PHF19: variants seen among roughly 807,000 people sequenced by gnomAD.
PHF19 encodes the protein PHD finger protein 19.
PHF19 carries 21 observed loss-of-function variants against 79.8 expected under a neutral mutation model. The ratio of observed to expected loss-of-function variants is 0.26; its 90% CI spans 0.19 to 0.38. The LOEUF (loss-of-function observed/expected upper bound fraction) is 0.38, where lower values mean the gene tolerates loss of function less well. PHF19 is among the 10% of genes least tolerant of loss of function. The probability of loss-of-function intolerance (pLI) is 1.00; values close to 1 mark genes in which losing one functional copy is unlikely to be tolerated. For missense variants in PHF19, 445 were observed against 744.2 expected (o/e 0.60, Z 4.68); for synonymous variants, 273 against 296.3 (o/e 0.92, Z 0.81).
rs1204079543 is a variant in PHF19, at chr9:120,866,165, T to C, written c.711-69A>G. On this transcript the variant is annotated intron_variant, in intron 7 of 14. Coordinates refer to ENST00000373896, the MANE Select transcript of PHF19 (RefSeq NM_015651.3). This position sits in a 1 kb window ranked among gnomAD's most constrained non-coding sequence, Gnocchi z 5.2. ...GACACCCCCACCCCAGTCCAGCCCCTTGATCTCCTCATTCCCCACCTACCT... is the reference window on the plus strand; with the variant it reads ...GACACCCCCACCCCAGTCCAGCCCCCTGATCTCCTCATTCCCCACCTACCT... 8 of 1,111,224 alleles carry C rather than the reference T, an allele frequency of 7.2e-6. No homozygotes were observed. The highest frequency in any genetic ancestry group is 1.1e-5 in the Non-Finnish European group (8 of 722,640). 68.8% of individuals were successfully genotyped at this position (1,111,224 alleles called of 1,614,324 possible).
Position 120,862,603 on chromosome 9 carries a change from C to T in PHF19, c.1115G>A (p.Gly372Glu). ...NSASSELRKR[G>E]KSKPGLLPHE... ...GAGCACTGACCCAGGCTTGCTCTTT[C>T]CTCTCTTACGCAGCTCAGAGGAGGC... Residue 372 changes from glycine (G) to glutamate (E), a missense_variant, in exon 11 of 15, where the codon GGA becomes GAA. Physicochemically the swap from Gly to Glu is moderately conservative, Grantham distance 98. This residue lies in a region of PHF19 where 83 missense variants were observed against 85.5 expected (regional missense o/e 0.97). Transcript: ENST00000373896. The surrounding 1 kb of genome is among the most constrained non-coding windows in gnomAD (Gnocchi z 4.6). The T allele has an allele frequency of 6.2e-7, 1 of 1,613,764 alleles. No homozygotes were observed. The highest frequency in any genetic ancestry group is 8.5e-7 in the Non-Finnish European group (1 of 1,179,958).
rs1285307345 is a variant in PHF19 at position 120,869,865 on chromosome 9, T to C, written c.445A>G (p.Ile149Val). The change falls in exon 5 of 15, where the codon ATC becomes GTC. Residue 149 changes from isoleucine to valine, a missense_variant. Coordinates refer to ENST00000373896, the MANE Select transcript of PHF19 (RefSeq NM_015651.3). This position sits in a 1 kb window ranked among gnomAD's most constrained non-coding sequence, Gnocchi z 5.8. ...LLTPWFCRRC[I>V]FALAVRKGGA... ...CTCACCCGCACAGCCAGTGCGAAGA[T>C]GCAGCGTCGGCAGAACCAAGGTGTG... is the stretch of plus-strand genomic sequence containing the variant. The C allele has an allele frequency of 2.5e-6, 4 of 1,611,828 alleles. No homozygotes were observed. In the South Asian group the frequency reaches 4.4e-5, roughly 18 times the overall value.
In PHF19 at chr9:120,856,595, C is replaced by T. The variant is rs190521985; in HGVS notation, c.*1349G>A. 6.6e-6 allele frequency: 1 copy of T among 152,450 alleles called. No homozygotes were observed. The highest frequency in any genetic ancestry group is 6.5e-5 in the Admixed American group (1 of 15,308). 9.4% of individuals were successfully genotyped at this position (152,450 alleles called of 1,614,324 possible). A position where few individuals can be genotyped will look rare whatever the true frequency, so the allele number is the denominator to read the frequency against. On this transcript the variant is annotated 3_prime_UTR_variant, in exon 15 of 15. Transcript: ENST00000373896. ...ACATCAGGGGTCCTCTTCCCCCTCC[C>T]AATTTTGGTTTCCCTCCAGATGAGG... is the stretch of plus-strand genomic sequence containing the variant.
rs1402886372 is a variant in PHF19 at position 120,860,405 on chromosome 9, C to T, written c.1305-220G>A. 5.7e-6 allele frequency: 3 copies of T among 528,840 alleles called. No homozygotes were observed. The highest frequency in any genetic ancestry group is 1.0e-5 in the Non-Finnish European group (3 of 290,536). 32.8% of individuals were successfully genotyped at this position (528,840 alleles called of 1,614,324 possible). A position where few individuals can be genotyped will look rare whatever the true frequency, so the allele number is the denominator to read the frequency against. Reference sequence around the variant, plus strand: ...CTGGAGCACCCTCCCCTGGCGGTGACGTAAGCACTGGTGTCAATAACTCGA... The same window carrying T: ...CTGGAGCACCCTCCCCTGGCGGTGATGTAAGCACTGGTGTCAATAACTCGA... On this transcript the variant is annotated intron_variant, in intron 13 of 14. Transcript: ENST00000373896. The surrounding 1 kb of genome is among the most constrained non-coding windows in gnomAD (Gnocchi z 4.1).
rs755261349 is a variant in PHF19 at position 120,862,629 on chromosome 9, G to A, written c.1089C>T (p.Ser363=). The change falls in exon 11 of 15, where the codon AGC becomes AGT. Residue 363 remains serine, a synonymous_variant. Coordinates refer to ENST00000373896, the MANE Select transcript of PHF19 (RefSeq NM_015651.3). This position sits in a 1 kb window ranked among gnomAD's most constrained non-coding sequence, Gnocchi z 4.6. The part of the protein sequence containing the change: ...PDKGLLPNEN[S]ASSELRKRGK... ...CTCTCTTACGCAGCTCAGAGGAGGC[G>A]CTGTTCTCATTTGGCAGCAGTCCTT... The A allele has an allele frequency of 7.4e-6, 12 of 1,613,990 alleles. No individual in the cohort carries two copies. Among genetic ancestry groups the A allele is most frequent in the East Asian group, 4.5e-5 (2 of 44,906 alleles).
At chr9:120,901,009 G>A in the PHF19 span, among the ~76,000 whole-genome samples, 1 of 152,238 alleles carries the variant, frequency 6.6e-6, no homozygotes, top group African/African-American at 2.4e-5. Flanking sequence ...AAGCTTGTAT[G>A]GCACTGACTG....
intron 14 of PHF19, among the ~76,000 whole-genome samples, chr9:120,859,854 T>C (rs1251973431): frequency 6.6e-6 from 1 of 152,082 alleles, no homozygotes; most frequent in African/African-American, 2.4e-5. Context: ...GGTGAAGCAT[T>C]CCAAAGGGAT....
intron 1 of PHF19, among the ~76,000 whole-genome samples, chr9:120,890,951 C>T (rs2046334595): frequency 6.6e-6 from 1 of 152,198 alleles, no homozygotes. Flanking sequence ...TACTCTCCAC[C>T]CCCACCCTTT....
chr9:120,889,878 A>C (rs1456504955), intron 1 of PHF19, among the ~76,000 whole-genome samples: 1 of 152,192 alleles, frequency 6.6e-6, no homozygotes, highest in Non-Finnish European at 1.5e-5. Context: ...GGAAGGAAAG[A>C]GTGGACAGGC....
intron 1 of PHF19, among the ~76,000 whole-genome samples, chr9:120,883,070 A>T (rs192793750): frequency 2.6e-5 from 4 of 151,942 alleles, no homozygotes; most frequent in Non-Finnish European, 4.4e-5. Context: ...CACCAGTTTT[A>T]AAAAAAATGG....
chr9:120,880,234 C>A (rs1046126076), upstream of PHF19, among the ~76,000 whole-genome samples: 1 of 152,246 alleles, frequency 6.6e-6, no homozygotes, highest in Non-Finnish European at 1.5e-5. Context: ...GTGGCTCATG[C>A]CTGTAATCCC....
upstream of PHF19, among the ~76,000 whole-genome samples, chr9:120,880,123 A>T (rs2046157601): frequency 6.6e-6 from 1 of 152,256 alleles, no homozygotes; most frequent in Non-Finnish European, 1.5e-5. Flanking sequence ...AGATACTCAT[A>T]GCTACAATTC....
Position 120,874,241 on chromosome 9 carries a change from C to T in PHF19, c.187-181G>A, listed in dbSNP as rs1445265600. On this transcript the variant is annotated intron_variant, in intron 2 of 14. Transcript: ENST00000373896. This position sits in a 1 kb window ranked among gnomAD's most constrained non-coding sequence, Gnocchi z 4.5. ...TCACCTGGAGTCGTACAGCCAGGGA[C>T]CGATGGATGGCAACTTGGTCAGAAT... Among the ~76,000 whole-genome samples, 1 of 152,150 alleles carries T rather than the reference C, an allele frequency of 6.6e-6. No individual in the cohort carries two copies. The highest frequency in any genetic ancestry group is 1.5e-5 in the Non-Finnish European group (1 of 68,032).
chr9:120,903,019 C>T, the PHF19 span: 15,736 of 152,220 alleles, frequency 0.1, 1,199 homozygotes, highest in African/African-American at 0.21. Flanking sequence ...GCTTGTTCTA[C>T]AAATCCCCCC....
chr9:120,893,624 T>C (rs1191381573), intron 1 of PHF19, among the ~76,000 whole-genome samples: 1 of 152,230 alleles, frequency 6.6e-6, no homozygotes, highest in Non-Finnish European at 1.5e-5. Flanking sequence ...CCTTGACCTT[T>C]TGCTTGACAG....
At position 120,857,797 on chromosome 9, in the gene PHF19, G is replaced by T; in HGVS notation, c.*147C>A. The T allele has an allele frequency of 1.7e-6, 1 of 573,148 alleles. No individual in the cohort carries two copies. The highest frequency in any genetic ancestry group is 3.1e-6 in the Non-Finnish European group (1 of 325,470). The allele number at this position is 573,148 out of a possible 1,614,324, so 35.5% of individuals were successfully genotyped here. On this transcript the variant is annotated 3_prime_UTR_variant, in exon 15 of 15. Transcript: ENST00000373896. ...GCAGAGAGACGCAGGCCTTGGCCTG[G>T]CAGGCAGGCAGGCAGGGCATTCTGC...
upstream of PHF19, chr9:120,877,276 G>GGGGCCGGGGCGCTCAGGAAGGGGC: frequency 1.1e-6 from 1 of 927,210 alleles, no homozygotes; most frequent in Non-Finnish European, 1.3e-6. Flanking sequence ...GGCGGAGGGA[G>GGGGCCGGGGCGCTCAGGAAGGGGC]GGGCCGGGGC....
chr9:120,858,720 G>T (rs1041451253), intron 14 of PHF19, among the ~76,000 whole-genome samples: 1 of 151,952 alleles, frequency 6.6e-6, no homozygotes, highest in Admixed American at 6.5e-5. Flanking sequence ...CCTCTCACCA[G>T]ACTGGTGGAA....
At chr9:120,901,835 C>T in the PHF19 span, among the ~76,000 whole-genome samples, 3,540 of 152,166 alleles carry the variant, frequency 0.023, 129 homozygotes, top group African/African-American at 0.081. Context: ...TCTGACTGGC[C>T]GTTGGGGGCA....
Sources: gnomAD v4.1 joint callset for allele counts (sites outside exome capture counted in the v4.1 genomes callset) on GRCh38, gnomAD v4.1.1 for gene constraint, gnomAD v4.1.1 regional missense constraint, Gnocchi (gnomAD v3.1) non-coding constraint, MANE v1.5 for transcripts, NCBI Gene and HGNC (gene_info 2026-07-23, HGNC 2026-07-21) for gene names.